Variants in MGAT4D observed in about 807,000 individuals in gnomAD.
MGAT4D encodes MGAT4 family member D.
MGAT4D carries 34 observed loss-of-function variants against 15.9 expected under a neutral mutation model. The observed-to-expected ratio is 2.14, with a 90% CI of 1.62 to 2.84. The LOEUF is 2.84. MGAT4D is among the 30% of genes most tolerant of loss of function. The probability of loss-of-function intolerance (pLI) is 0.00; values close to 1 mark genes in which losing one functional copy is unlikely to be tolerated. For missense variants in MGAT4D, 327 were observed against 140.2 expected, an observed-to-expected ratio of 2.33 and a Z score of -6.73; for synonymous variants, 112 against 48.2, an observed-to-expected ratio of 2.33 and a Z score of -5.49.
In MGAT4D at chr4:140,498,285, T is replaced by G; in HGVS notation, c.-63A>C. ...CGGCGGATAATGCCAGGGACGGGGTTGAGCGCGCAGAGCCCCCTCCCCGCG... is the reference window on the plus strand; with the variant it reads ...CGGCGGATAATGCCAGGGACGGGGTGGAGCGCGCAGAGCCCCCTCCCCGCG... On this transcript the variant is annotated 5_prime_UTR_variant, in exon 1 of 11. Coordinates refer to ENST00000511113, the MANE Select transcript of MGAT4D (RefSeq NM_001277353.2). 1.4e-6 allele frequency: 1 copy of G among 691,356 alleles called. No individual in the cohort carries two copies. Among genetic ancestry groups the G allele is most frequent in the Non-Finnish European group, 2.6e-6 (1 of 378,994 alleles). 42.8% of individuals were successfully genotyped at this position (691,356 alleles called of 1,614,324 possible).
intron 10 of MGAT4D, chr4:140,450,176 T>C: frequency 3.3e-6 from 1 of 304,098 alleles, no homozygotes; most frequent in Non-Finnish European, 6.0e-6. Flanking sequence ...TATTATTAAA[T>C]TGTTATTGAC....
chr4:140,467,595 AT>A (rs1211261970), intron 5 of MGAT4D, among the ~76,000 whole-genome samples: 1 of 152,106 alleles, frequency 6.6e-6, no homozygotes, highest in Non-Finnish European at 1.5e-5. Flanking sequence ...GATACTTGAA[AT>A]TTTGTGTGTT....
At chr4:140,491,411 C>T (rs1329218510) in intron 1 of MGAT4D, among the ~76,000 whole-genome samples, 1 of 152,116 alleles carries the variant, frequency 6.6e-6, no homozygotes, top group Non-Finnish European at 1.5e-5. Context: ...GGCTGAGGAA[C>T]ATTTTTACCC....
At chr4:140,443,785 G>T (rs1460143090) in intron 10 of MGAT4D, among the ~76,000 whole-genome samples, 1 of 151,960 alleles carries the variant, frequency 6.6e-6, no homozygotes, top group East Asian at 1.9e-4. Flanking sequence ...TATTTTATTT[G>T]ATTTTTATAA....
chr4:140,452,638 G>A (rs1195144897), intron 9 of MGAT4D, among the ~76,000 whole-genome samples: 1 of 152,140 alleles, frequency 6.6e-6, no homozygotes, highest in Non-Finnish European at 1.5e-5. Context: ...TGTTTTGAGA[G>A]TTCTATACAT....
chr4:140,490,918 G>A (rs2126869990), intron 1 of MGAT4D, among the ~76,000 whole-genome samples: 1 of 152,182 alleles, frequency 6.6e-6, no homozygotes, highest in Non-Finnish European at 1.5e-5. Flanking sequence ...GACACTTAAT[G>A]CAATTAGTGA....
At chr4:140,481,895 G>A (rs1732757445) in intron 2 of MGAT4D, among the ~76,000 whole-genome samples, 1 of 152,180 alleles carries the variant, frequency 6.6e-6, no homozygotes, top group East Asian at 1.9e-4. Flanking sequence ...AAAATTAGCT[G>A]TATGTTACTA....
rs530343748 is a variant in MGAT4D, at chr4:140,445,638, C to A, written c.1117-2194G>T. Among the ~76,000 whole-genome samples, 100 of 152,244 alleles carry A rather than the reference C, an allele frequency of 6.6e-4. 1 individual carries two copies. Among genetic ancestry groups the A allele is most frequent in the Middle Eastern group, 3.4e-3 (1 of 294 alleles). Reference sequence around the variant, plus strand: ...TCCAGAATGGTATTTCCTAGGTTATCTTCCAGGGTTTTTATAGTTTCAGGT... The same window carrying A: ...TCCAGAATGGTATTTCCTAGGTTATATTCCAGGGTTTTTATAGTTTCAGGT... On this transcript the variant is annotated intron_variant, in intron 10 of 10. Coordinates refer to ENST00000511113, the MANE Select transcript of MGAT4D (RefSeq NM_001277353.2).
At chr4:140,464,738 A>G (rs1240464350) in intron 6 of MGAT4D, among the ~76,000 whole-genome samples, 158 bp downstream of exon 6, 3 of 152,220 alleles carry the variant, frequency 2.0e-5, no homozygotes, top group Non-Finnish European at 4.4e-5. Flanking sequence ...TATTGAATAC[A>G]GAGTTGGGAA....
At chr4:140,497,986 G>T (rs1396880008) in intron 1 of MGAT4D, 143 bp downstream of exon 1, 6 of 518,402 alleles carry the variant, frequency 1.2e-5, no homozygotes, top group Non-Finnish European at 2.0e-5. Context: ...AGGCACCGAC[G>T]CGGGCCTCCC....
chr4:140,463,679 C>T (rs534303260), intron 6 of MGAT4D, among the ~76,000 whole-genome samples: 16 of 152,204 alleles, frequency 1.1e-4, no homozygotes, highest in African/African-American at 3.4e-4. Flanking sequence ...ATAAGTGCTA[C>T]GTGAAGATAT....
chr4:140,492,147 G>C (rs541861015), intron 1 of MGAT4D, among the ~76,000 whole-genome samples: 158 of 152,184 alleles, frequency 1.0e-3, no homozygotes, highest in African/African-American at 3.1e-3. Context: ...GTTGCCTTGT[G>C]GGGGGGAAAA....
intron 9 of MGAT4D, among the ~76,000 whole-genome samples, chr4:140,453,923 G>A (rs903341872): frequency 6.6e-6 from 1 of 151,906 alleles, no homozygotes; most frequent in Non-Finnish European, 1.5e-5. Context: ...ACTTTTCATT[G>A]CTATTTTGCA....
chr4:140,484,709 AAAAC>A (rs1474909439), intron 1 of MGAT4D, among the ~76,000 whole-genome samples: 1 of 152,224 alleles, frequency 6.6e-6, no homozygotes, highest in Non-Finnish European at 1.5e-5. Flanking sequence ...TTACAAGAAA[AAAAC>A]AAACAACCCC....
chr4:140,482,572 T>C (rs774723850), intron 1 of MGAT4D, 87 bp from the exon 2 acceptor site: 5 of 538,460 alleles, frequency 9.3e-6, no homozygotes, highest in African/African-American at 2.0e-5. Context: ...AAAGTATAAG[T>C]TTCAATATAG....
intron 1 of MGAT4D, among the ~76,000 whole-genome samples, chr4:140,493,287 CTTTTTTT>C (rs551838799): frequency 0.03 from 3,362 of 112,446 alleles, 164 homozygotes; most frequent in East Asian, 0.27. Flanking sequence ...TGTTCCTTTA[CTTTTTTT>C]TTTTTTTTTT....
At chr4:140,488,976 T>C (rs1386862581) in intron 1 of MGAT4D, among the ~76,000 whole-genome samples, 1 of 152,166 alleles carries the variant, frequency 6.6e-6, no homozygotes, top group African/African-American at 2.4e-5. Context: ...CAGCACCATG[T>C]TTGTAGGGCC....
At chr4:140,475,070 T>G (rs1355970074) in intron 3 of MGAT4D, 124 bp from the exon 4 acceptor site, 2 of 410,942 alleles carry the variant, frequency 4.9e-6, no homozygotes, top group Non-Finnish European at 8.6e-6. Flanking sequence ...TGTTTGAAAC[T>G]GTATTACAAA....
chr4:140,475,952 C>T (rs2126799940), intron 3 of MGAT4D, among the ~76,000 whole-genome samples: 1 of 151,754 alleles, frequency 6.6e-6, no homozygotes, highest in East Asian at 2.0e-4. Context: ...GCTGGGATTA[C>T]AGGCATGCAC....
Sources: gnomAD v4.1 joint callset for allele counts (sites outside exome capture counted in the v4.1 genomes callset) on GRCh38, gnomAD v4.1.1 for gene constraint, MANE v1.5 for transcripts, NCBI Gene and HGNC (gene_info 2026-07-23, HGNC 2026-07-21) for gene names.